Variants in ADGRL3 observed in about 807,000 individuals in gnomAD.
The protein encoded by ADGRL3 is adhesion G protein-coupled receptor L3, also known as calcium-independent alpha-latrotoxin receptor 3.
ADGRL3 carries 62 observed loss-of-function variants against 153.5 expected under a neutral mutation model. The ratio of observed to expected loss-of-function variants is 0.40; its 90% CI spans 0.33 to 0.50. ADGRL3 has a LOEUF of 0.50. Among genes scored for constraint, ADGRL3 ranks in the 20% least tolerant of loss-of-function variants. The pLI is 0.47. For synonymous variants in ADGRL3, 710 were observed against 672.5 expected (o/e 1.06, Z -0.86); for missense variants, 1,641 against 1,859.4 (o/e 0.88, Z 2.16).
At chr4:61,324,744 A>G (rs187697273) in intron 1 of ADGRL3, among the ~76,000 whole-genome samples, 103 of 152,228 alleles carry the variant, frequency 6.8e-4, no homozygotes, top group Middle Eastern at 3.4e-3. Flanking sequence ...TTTTTATGCA[A>G]TTTTTAGATT....
intron 1 of ADGRL3, among the ~76,000 whole-genome samples, chr4:61,240,201 G>A (rs1754378874): frequency 6.6e-6 from 1 of 152,042 alleles, no homozygotes; most frequent in Non-Finnish European, 1.5e-5. Flanking sequence ...TATCCTCACT[G>A]GTGGAAAGTG....
chr4:61,847,218 G>A (rs897339118), intron 9 of ADGRL3, among the ~76,000 whole-genome samples: 4 of 151,872 alleles, frequency 2.6e-5, no homozygotes, highest in African/African-American at 9.7e-5. Flanking sequence ...TATAAATCAT[G>A]TGGTTATATT....
Position 61,423,927 on chromosome 4 carries a change from A to C in ADGRL3, c.-174+40738A>C, listed in dbSNP as rs74656765. ...TGAACACCTCCACTTAAAGAAGTAG[A>C]AAATGAAGAGTGAGTGAAGGAGGCC... On this transcript the variant is annotated intron_variant, in intron 2 of 26. Transcript: ENST00000683033. Among the ~76,000 whole-genome samples, 1,149 of 152,278 alleles carry C rather than the reference A, an allele frequency of 7.5e-3. 6 individuals carry two copies. The highest frequency in any genetic ancestry group is 0.012 in the Non-Finnish European group (833 of 68,024).
At chr4:61,245,808 T>C (rs1236208528) in intron 1 of ADGRL3, among the ~76,000 whole-genome samples, 1 of 152,096 alleles carries the variant, frequency 6.6e-6, no homozygotes, top group Non-Finnish European at 1.5e-5. Context: ...GGTAAACAGA[T>C]GCAAGGGTGA....
chr4:61,730,154 T>C (rs767414170), intron 6 of ADGRL3, among the ~76,000 whole-genome samples: 22 of 151,800 alleles, frequency 1.4e-4, no homozygotes, highest in Non-Finnish European at 1.8e-4. Context: ...AGTTGCCGAG[T>C]AGTTCCTTCT....
At chr4:61,230,015 A>G (rs1749883184) in intron 1 of ADGRL3, among the ~76,000 whole-genome samples, 1 of 152,120 alleles carries the variant, frequency 6.6e-6, no homozygotes, top group Non-Finnish European at 1.5e-5. Flanking sequence ...AGTGTTTGTA[A>G]CCATAAGTAC....
intron 5 of ADGRL3, among the ~76,000 whole-genome samples, chr4:61,635,810 T>G (rs942172347): frequency 2.0e-5 from 3 of 152,162 alleles, no homozygotes; most frequent in South Asian, 4.1e-4. Flanking sequence ...GGCTTGAAGA[T>G]TGCCATCTCC....
intron 17 of ADGRL3, among the ~76,000 whole-genome samples, chr4:61,971,399 C>G (rs184873968): frequency 0.032 from 4,899 of 152,096 alleles, 249 homozygotes; most frequent in African/African-American, 0.11. Context: ...TGAGTGAGAA[C>G]ATGTGGTGTT....
intron 9 of ADGRL3, among the ~76,000 whole-genome samples, chr4:61,843,868 G>T (rs920926842): frequency 1.3e-5 from 2 of 151,890 alleles, no homozygotes; most frequent in Non-Finnish European, 2.9e-5. Flanking sequence ...TAAAAAATTA[G>T]CCAGGCATAG....
intron 5 of ADGRL3, among the ~76,000 whole-genome samples, chr4:61,620,901 A>G (rs185626953): frequency 8.9e-4 from 135 of 152,046 alleles, no homozygotes; most frequent in African/African-American, 3.2e-3. Context: ...TGCCTCCCAA[A>G]GTGCTGAGAT....
chr4:61,216,539 T>C (rs775144741), intron 1 of ADGRL3, among the ~76,000 whole-genome samples: 3 of 152,154 alleles, frequency 2.0e-5, no homozygotes, highest in Non-Finnish European at 4.4e-5. Context: ...TTCTTATGGC[T>C]GAATTTATTT....
intron 2 of ADGRL3, among the ~76,000 whole-genome samples, chr4:61,395,530 T>C (rs1014940996): frequency 6.6e-6 from 1 of 151,986 alleles, no homozygotes; most frequent in African/African-American, 2.4e-5. Context: ...TACTGTATTA[T>C]GTTATTTCAG....
intron 17 of ADGRL3, among the ~76,000 whole-genome samples, chr4:61,953,365 T>C (rs2098954585): frequency 6.6e-6 from 1 of 152,196 alleles, no homozygotes; most frequent in Non-Finnish European, 1.5e-5. Context: ...TCCTGATGCA[T>C]CCTTCTCCAC....
At chr4:61,355,608 G>A (rs1219387808) in intron 1 of ADGRL3, among the ~76,000 whole-genome samples, 1 of 145,056 alleles carries the variant, frequency 6.9e-6, no homozygotes, top group Non-Finnish European at 1.6e-5. Context: ...TGACAGACAT[G>A]TGACTGAGCC....
chr4:61,280,872 C>T (rs1041032740), intron 1 of ADGRL3, among the ~76,000 whole-genome samples: 4 of 152,064 alleles, frequency 2.6e-5, no homozygotes, highest in Non-Finnish European at 5.9e-5. Flanking sequence ...AAAATTTACA[C>T]TCACTGAACT....
intron 2 of ADGRL3, among the ~76,000 whole-genome samples, chr4:61,409,871 T>G (rs2152252138): frequency 6.6e-6 from 1 of 152,142 alleles, no homozygotes; most frequent in South Asian, 2.1e-4. Context: ...TAATTCAATT[T>G]TTATAGTATT....
At chr4:61,374,572 G>T (rs1311217784) in intron 1 of ADGRL3, among the ~76,000 whole-genome samples, 1 of 152,068 alleles carries the variant, frequency 6.6e-6, no homozygotes, top group Non-Finnish European at 1.5e-5. Flanking sequence ...TGAAATCTTA[G>T]ACAAAGTGAG....
intron 9 of ADGRL3, among the ~76,000 whole-genome samples, chr4:61,841,226 T>C (rs2098026659): frequency 6.6e-6 from 1 of 152,194 alleles, no homozygotes; most frequent in African/African-American, 2.4e-5. Flanking sequence ...CTTAAACATT[T>C]GAAAATCCAA....
rs1045229895 is a variant in ADGRL3, at chr4:61,521,475, T to G, written c.259+3957T>G. On this transcript the variant is annotated intron_variant, in intron 4 of 26. Coordinates refer to ENST00000683033, the MANE Select transcript of ADGRL3 (RefSeq NM_001387552.1). ...AGTGAGGGAAAAATTAAGTTGATCT[T>G]AGAGGAATTAAGCAAGGAGTGACAC... Among the ~76,000 whole-genome samples, 99 of 152,086 alleles carry G rather than the reference T, an allele frequency of 6.5e-4. 5 individuals carry two copies. Among genetic ancestry groups the G allele is most frequent in the Non-Finnish European group, 1.3e-4 (9 of 68,012 alleles).
Sources: gnomAD v4.1 joint callset for allele counts (sites outside exome capture counted in the v4.1 genomes callset) on GRCh38, gnomAD v4.1.1 for gene constraint, MANE v1.5 for transcripts, NCBI Gene and HGNC (gene_info 2026-07-23, HGNC 2026-07-21) for gene names.